Variants in PTPN14 observed in about 807,000 individuals in gnomAD.
The protein encoded by PTPN14 is tyrosine-protein phosphatase non-receptor type 14.
Under a neutral mutation model 126.8 loss-of-function variants are expected in PTPN14, and 53 were observed. The observed-to-expected ratio is 0.42, with a 90% confidence interval of 0.34 to 0.53. PTPN14 has a LOEUF of 0.53. Among genes scored for constraint, PTPN14 ranks in the 20% least tolerant of loss-of-function variants. The pLI is 0.08. For missense variants in PTPN14, 1,257 were observed against 1,552.9 expected, an observed-to-expected ratio of 0.81 and a Z score of 3.20; for synonymous variants, 630 against 599.3, an observed-to-expected ratio of 1.05 and a Z score of -0.75.
At chr1:214,477,045 G>A (rs1008126871) in intron 1 of PTPN14, among the ~76,000 whole-genome samples, 1 of 152,186 alleles carries the variant, frequency 6.6e-6, no homozygotes, top group Non-Finnish European at 1.5e-5. Flanking sequence ...GAAAAAATAT[G>A]AAACCAAAAC....
chr1:214,383,696 G>T lies in PTPN14; in HGVS notation c.2159C>A (p.Ser720Ter). The T allele has an allele frequency of 6.2e-7, 1 of 1,613,342 alleles. No homozygotes were observed. Among genetic ancestry groups the T allele is most frequent in the Non-Finnish European group, 8.5e-7 (1 of 1,180,018 alleles). The change falls in exon 13 of 19, where the codon TCG (serine) becomes TAG (stop). Residue 720 changes from serine to a stop codon, truncating the protein, a stop_gained. Transcript: ENST00000366956. LOFTEE classifies it high-confidence loss of function. This position sits in a 1 kb window ranked among gnomAD's most constrained non-coding sequence, Gnocchi z 4.4. ...CCGGAGCATGGGGATCTGGGGCACC[G>T]ATTCTGGAGCCTCCTCCTCCTCCTC... ...SEEEEEEAPE[S>*]VPQIPMLREK...
At chr1:214,520,353 C>T (rs1655225015) in intron 1 of PTPN14, among the ~76,000 whole-genome samples, 4 of 152,036 alleles carry the variant, frequency 2.6e-5, no homozygotes, top group Admixed American at 2.6e-4. Flanking sequence ...TTTTAGAATG[C>T]TTTTGTTTTA....
intron 1 of PTPN14, among the ~76,000 whole-genome samples, chr1:214,499,098 C>A (rs945845670): frequency 6.6e-5 from 10 of 152,146 alleles, no homozygotes; most frequent in African/African-American, 2.4e-4. Context: ...AGCCATCACA[C>A]CTGGCGGCCC....
intron 1 of PTPN14, chr1:214,533,409 T>G: frequency 2.4e-6 from 1 of 416,126 alleles, no homozygotes; most frequent in South Asian, 2.0e-5. Flanking sequence ...GACCACCACC[T>G]GCCGCAAAGT....
At chr1:214,489,157 T>C (rs1446486964) in intron 1 of PTPN14, among the ~76,000 whole-genome samples, 1 of 152,178 alleles carries the variant, frequency 6.6e-6, no homozygotes, top group Non-Finnish European at 1.5e-5. Flanking sequence ...GCATTTATGA[T>C]GTGTCAAGCA....
chr1:214,467,445 C>T (rs1660665356), intron 1 of PTPN14, among the ~76,000 whole-genome samples: 1 of 152,208 alleles, frequency 6.6e-6, no homozygotes, highest in African/African-American at 2.4e-5. Context: ...GCTTGGTACG[C>T]ATTTATCCCA....
At chr1:214,532,689 G>A (rs1349318603) in intron 1 of PTPN14, 3 of 807,502 alleles carry the variant, frequency 3.7e-6, no homozygotes, top group Admixed American at 1.7e-5. Flanking sequence ...TCAAGTATGA[G>A]ACAGACTCTC....
chr1:214,433,284 A>G (rs1265391972), intron 3 of PTPN14, among the ~76,000 whole-genome samples: 3 of 128,686 alleles, frequency 2.3e-5, no homozygotes, highest in Non-Finnish European at 5.5e-5. Flanking sequence ...AAAGACAACA[A>G]TTTGACTCCA....
Position 214,464,831 on chromosome 1 carries a change from C to G in PTPN14, c.-28G>C. 1.9e-6 allele frequency: 3 copies of G among 1,609,386 alleles called. No individual in the cohort carries two copies. Among genetic ancestry groups the G allele is most frequent in the Non-Finnish European group, 2.6e-6 (3 of 1,176,180 alleles). On this transcript the variant is annotated 5_prime_UTR_variant, in exon 2 of 19. Transcript: ENST00000366956. Reference sequence around the variant, plus strand: ...CTATGTGGTCCTCGGACGCCGCCCGCCTATCCTGGCGCACACGCCCCTGAG... The same window carrying G: ...CTATGTGGTCCTCGGACGCCGCCCGGCTATCCTGGCGCACACGCCCCTGAG...
At chr1:214,546,378 G>A (rs907038943) in intron 1 of PTPN14, among the ~76,000 whole-genome samples, 1 of 152,168 alleles carries the variant, frequency 6.6e-6, no homozygotes, top group African/African-American at 2.4e-5. Flanking sequence ...ACCCCCAGAG[G>A]TGAATTTCCA....
Position 214,386,780 on chromosome 1 carries a change from T to C in PTPN14, c.1066+64A>G, listed in dbSNP as rs963023202. 2.0e-5 allele frequency: 28 copies of C among 1,434,230 alleles called. No homozygotes were observed. In the South Asian group the frequency reaches 3.2e-4, roughly 16 times the overall value. 88.8% of individuals were successfully genotyped at this position (1,434,230 alleles called of 1,614,324 possible). ...CCCTGTCATCTTTTTTTTAAAGCCT[T>C]CTTTACTGCTTACTGGTATTCAACT... is the stretch of plus-strand genomic sequence containing the variant. On this transcript the variant is annotated intron_variant, in intron 12 of 18. Transcript: ENST00000366956.
intron 1 of PTPN14, among the ~76,000 whole-genome samples, chr1:214,469,779 A>G (rs1333210381): frequency 7.4e-6 from 1 of 135,482 alleles, no homozygotes; most frequent in Non-Finnish European, 1.6e-5. Flanking sequence ...GTAACCAAGG[A>G]ACCACTCTAG....
Position 214,393,732 on chromosome 1 carries a change from G to C in PTPN14, c.892C>G (p.Arg298Gly). The C allele has an allele frequency of 6.2e-7, 1 of 1,604,274 alleles. No homozygotes were observed. Among genetic ancestry groups the C allele is most frequent in the Non-Finnish European group, 8.5e-7 (1 of 1,171,110 alleles). ...TTGTTTTGTTTGTAAAACTTGTGTCGTGTGGCAAACAACCGAGAAATATAC... is the reference window on the plus strand; with the variant it reads ...TTGTTTTGTTTGTAAAACTTGTGTCCTGTGGCAAACAACCGAGAAATATAC... Reference protein sequence around the residue: ...AKYISRLFATRHKFYKQNKIC... With the variant: ...AKYISRLFATGHKFYKQNKIC... Residue 298 changes from arginine to glycine, a missense_variant, in exon 10 of 19, where the codon CGA (arginine) becomes GGA (glycine). This residue lies in a region of PTPN14 where 1,021 missense variants were observed against 1,183.3 expected (regional missense o/e 0.86). Transcript: ENST00000366956.
intron 1 of PTPN14, among the ~76,000 whole-genome samples, chr1:214,503,260 A>G (rs1355928475): frequency 1.3e-5 from 2 of 152,210 alleles, no homozygotes; most frequent in East Asian, 3.9e-4. Context: ...TTCAAAACTA[A>G]TATCTAATGA....
chr1:214,529,275 C>G (rs916464916), intron 1 of PTPN14: 2 of 152,156 alleles, frequency 1.3e-5, no homozygotes, highest in Middle Eastern at 3.1e-3. Context: ...TGTGATCACA[C>G]CACTATACTC....
intron 3 of PTPN14, among the ~76,000 whole-genome samples, chr1:214,430,672 T>C (rs1659778440): frequency 6.6e-6 from 1 of 152,202 alleles, no homozygotes; most frequent in African/African-American, 2.4e-5. Flanking sequence ...GTCAAGTCTC[T>C]CCATTTATGT....
chr1:214,501,235 C>G (rs1654686058), intron 1 of PTPN14, among the ~76,000 whole-genome samples: 1 of 152,084 alleles, frequency 6.6e-6, no homozygotes, highest in Non-Finnish European at 1.5e-5. Flanking sequence ...TCCATGAAAA[C>G]AGAGTAAGTA....
Position 214,464,900 on chromosome 1 carries a change from G to A in PTPN14, c.-97C>T, listed in dbSNP as rs1660595989. 2 of 1,464,752 alleles carry A rather than the reference G, an allele frequency of 1.4e-6. No individual in the cohort carries two copies. Among genetic ancestry groups the A allele is most frequent in the Non-Finnish European group, 1.9e-6 (2 of 1,077,388 alleles). 90.7% of individuals were successfully genotyped at this position (1,464,752 alleles called of 1,614,324 possible). The stretch of plus-strand genomic sequence containing the variant: ...TGACTGGAAAATTACACTATCACCT[G>A]TGCTCCTCCAGGCAGGGAAAAGGGT... On this transcript the variant is annotated 5_prime_UTR_variant, in exon 2 of 19. Transcript: ENST00000366956.
chr1:214,439,543 G>A (rs1659992117), intron 3 of PTPN14, among the ~76,000 whole-genome samples: 1 of 152,142 alleles, frequency 6.6e-6, no homozygotes, highest in Admixed American at 6.5e-5. Context: ...GGCAGCAAAC[G>A]TCAGGCGAAA....
Sources: allele counts gnomAD v4.1 joint callset (sites outside exome capture counted in the v4.1 genomes callset), GRCh38; gene constraint gnomAD v4.1.1; regional missense constraint gnomAD v4.1.1; non-coding constraint Gnocchi (gnomAD v3.1); transcripts MANE v1.5; gene names NCBI Gene and HGNC (gene_info 2026-07-23, HGNC 2026-07-21).